The following TBC1D19 variants were observed in gnomAD, a reference collection of about 807,000 sequenced individuals.
The protein encoded by TBC1D19 is TBC1 domain family member 19, also known as TBC1 domain family, member 19.
A neutral mutation model predicts 89.0 loss-of-function variants in TBC1D19; 60 were observed. The observed-to-expected ratio is 0.67, with a 90% confidence interval of 0.55 to 0.84. The LOEUF is 0.84. Among genes scored for constraint, TBC1D19 ranks in the 40% least tolerant of loss-of-function variants. The probability of loss-of-function intolerance (pLI) is 0.00; values close to 1 mark genes in which losing one functional copy is unlikely to be tolerated. For missense variants in TBC1D19, 500 were observed against 610.8 expected (o/e 0.82, Z 1.91); for synonymous variants, 189 against 199.7 (o/e 0.95, Z 0.45).
chr4:26,643,005 T>C (rs1743654838), intron 7 of TBC1D19, among the ~76,000 whole-genome samples: 1 of 152,132 alleles, frequency 6.6e-6, no homozygotes, highest in South Asian at 2.1e-4. Flanking sequence ...ACTGTCAATA[T>C]TAGACAGATC....
At chr4:26,656,987 T>TCTC (rs59399936) in intron 7 of TBC1D19, among the ~76,000 whole-genome samples, 269 of 17,832 alleles carry the variant, frequency 0.015, 8 homozygotes, top group East Asian at 0.11. Context: ...TTCTTCTTCT[T>TCTC]CTTCTCCTTC....
intron 4 of TBC1D19, among the ~76,000 whole-genome samples, chr4:26,628,878 G>A (rs978547154): frequency 6.6e-6 from 1 of 151,898 alleles, no homozygotes; most frequent in Non-Finnish European, 1.5e-5. Flanking sequence ...ACAAATGGAA[G>A]AACATTCCAT....
the TBC1D19 span, among the ~76,000 whole-genome samples, chr4:26,829,639 T>A: frequency 2.0e-5 from 3 of 152,168 alleles, no homozygotes; most frequent in Non-Finnish European, 4.4e-5. Flanking sequence ...CAGAAACAAT[T>A]ATAACTGAGC....
chr4:26,814,254 C>G, the TBC1D19 span, among the ~76,000 whole-genome samples: 1 of 152,148 alleles, frequency 6.6e-6, no homozygotes, highest in Admixed American at 6.5e-5. Flanking sequence ...TTTCTGTTTT[C>G]CTATCTGTAA....
chr4:26,703,556 C>A (rs925232358), intron 13 of TBC1D19, among the ~76,000 whole-genome samples: 2 of 152,024 alleles, frequency 1.3e-5, no homozygotes, highest in Non-Finnish European at 2.9e-5. Context: ...TGGTCATAGC[C>A]GATTTATTGG....
At chr4:26,673,643 G>A (rs924502096) in intron 10 of TBC1D19, 133 bp from the exon 11 acceptor site, 2 of 657,232 alleles carry the variant, frequency 3.0e-6, no homozygotes, top group African/African-American at 3.8e-5. Flanking sequence ...AATTTTAAAA[G>A]GTAAAGATAC....
intron 1 of TBC1D19, among the ~76,000 whole-genome samples, chr4:26,587,775 G>C (rs1739508064): frequency 6.6e-6 from 1 of 151,562 alleles, no homozygotes; most frequent in African/African-American, 2.4e-5. Flanking sequence ...CTGGTGCCTA[G>C]AGTTTTCTTT....
At chr4:26,724,572 A>C (rs1717184922) in intron 15 of TBC1D19, among the ~76,000 whole-genome samples, 2 of 152,208 alleles carry the variant, frequency 1.3e-5, no homozygotes, top group South Asian at 4.1e-4. Context: ...ATTTTAGTAG[A>C]GTAACAGTCA....
At chr4:26,800,561 G>T in the TBC1D19 span, among the ~76,000 whole-genome samples, 1 of 152,128 alleles carries the variant, frequency 6.6e-6, no homozygotes, top group African/African-American at 2.4e-5. Flanking sequence ...TCTAGTTCTA[G>T]ATCCCTGAGG....
chr4:26,709,605 A>G (rs542049903), intron 13 of TBC1D19, among the ~76,000 whole-genome samples: 1 of 152,064 alleles, frequency 6.6e-6, no homozygotes, highest in African/African-American at 2.4e-5. Context: ...GGACTCATGC[A>G]TTCCTGCCTG....
chr4:26,648,266 T>A (rs1008802717), intron 7 of TBC1D19, among the ~76,000 whole-genome samples: 1 of 152,094 alleles, frequency 6.6e-6, no homozygotes, highest in Non-Finnish European at 1.5e-5. Context: ...AAGACACAAG[T>A]TTTTTGAGGG....
the TBC1D19 span, among the ~76,000 whole-genome samples, chr4:26,789,046 C>A: frequency 1.1e-4 from 16 of 152,266 alleles, no homozygotes; most frequent in South Asian, 2.1e-4. Context: ...CTCAAATTGA[C>A]CTTAGTGTAT....
At chr4:26,627,004 G>A (rs1198500658) in intron 4 of TBC1D19, among the ~76,000 whole-genome samples, 1 of 151,354 alleles carries the variant, frequency 6.6e-6, no homozygotes, top group East Asian at 1.9e-4. Flanking sequence ...TCGTCATTTA[G>A]CATTAGGTAT....
At chr4:26,593,230 C>A (rs371424517) in intron 1 of TBC1D19, among the ~76,000 whole-genome samples, 2 of 152,044 alleles carry the variant, frequency 1.3e-5, no homozygotes, top group East Asian at 1.9e-4. Context: ...GAAAAACAAG[C>A]AATGGGGAAA....
intron 13 of TBC1D19, among the ~76,000 whole-genome samples, chr4:26,700,584 G>T (rs961513987): frequency 3.3e-5 from 5 of 152,056 alleles, no homozygotes; most frequent in Admixed American, 6.6e-5. Context: ...GGAACAATTA[G>T]ATTTTTCCAT....
intron 13 of TBC1D19, among the ~76,000 whole-genome samples, chr4:26,710,126 A>G (rs1176799257): frequency 6.6e-6 from 1 of 151,900 alleles, no homozygotes; most frequent in African/African-American, 2.4e-5. Context: ...GGTGTGCTGC[A>G]CCCATTAACT....
chr4:26,851,343 A>ATCTGTCTG, the TBC1D19 span, among the ~76,000 whole-genome samples: 33 of 150,518 alleles, frequency 2.2e-4, no homozygotes, highest in African/African-American at 8.2e-4. Context: ...CTATCTATCT[A>ATCTGTCTG]TCTATCTATC....
chr4:26,808,057 G>A, the TBC1D19 span, among the ~76,000 whole-genome samples: 48 of 152,220 alleles, frequency 3.2e-4, no homozygotes, highest in Non-Finnish European at 5.0e-4. Context: ...AGCCACTGCT[G>A]ACTGCAAAGC....
chr4:26,649,248 G>C (rs1215441053), intron 7 of TBC1D19, among the ~76,000 whole-genome samples: 1 of 151,968 alleles, frequency 6.6e-6, no homozygotes, highest in African/African-American at 2.4e-5. Context: ...TTTATCAGCT[G>C]TTAGCTATCA....
Sources: allele counts gnomAD v4.1 joint callset (sites outside exome capture counted in the v4.1 genomes callset), GRCh38; gene constraint gnomAD v4.1.1; transcripts MANE v1.5; gene names NCBI Gene and HGNC (gene_info 2026-07-23, HGNC 2026-07-21).